Variants in IGF1R observed in about 807,000 individuals in gnomAD.
IGF1R encodes insulin-like growth factor 1 receptor.
In IGF1R, 44 loss-of-function variants were observed where a neutral mutation model predicts 144.6. The ratio of observed to expected loss-of-function variants is 0.30; its 90% CI spans 0.24 to 0.39. IGF1R has a LOEUF of 0.39. IGF1R is among the 10% of genes least tolerant of loss of function. IGF1R has a pLI of 1.00. For missense variants in IGF1R, 1,355 were observed against 1,833.7 expected, an observed-to-expected ratio of 0.74 and a Z score of 4.77; for synonymous variants, 795 against 722.8, an observed-to-expected ratio of 1.10 and a Z score of -1.60.
At chr15:98,909,642 G>A (rs1472659809) in intron 6 of IGF1R, among the ~76,000 whole-genome samples, 1 of 152,208 alleles carries the variant, frequency 6.6e-6, no homozygotes, top group Non-Finnish European at 1.5e-5. Context: ...GCACAGGCCT[G>A]TGGGGTGGAG....
At chr15:98,789,464 T>C (rs1596306454) in intron 2 of IGF1R, among the ~76,000 whole-genome samples, 1 of 152,236 alleles carries the variant, frequency 6.6e-6, no homozygotes, top group Admixed American at 6.5e-5. Context: ...AAGGTCTTGT[T>C]TTTGCCCTTT....
At chr15:98,727,640 C>G in intron 2 of IGF1R, among the ~76,000 whole-genome samples, 1 of 152,138 alleles carries the variant, frequency 6.6e-6, no homozygotes, top group East Asian at 1.9e-4. Context: ...GACAGCCTCC[C>G]CAGCTTCTCC....
chr15:98,855,848 T>C (rs549550251), intron 2 of IGF1R, among the ~76,000 whole-genome samples: 1 of 152,282 alleles, frequency 6.6e-6, no homozygotes, highest in South Asian at 2.1e-4. Flanking sequence ...AGTGGAGTTA[T>C]TAGGTTGAAA....
intron 2 of IGF1R, among the ~76,000 whole-genome samples, chr15:98,836,253 C>G (rs2057099022): frequency 6.6e-6 from 1 of 151,786 alleles, no homozygotes; most frequent in Non-Finnish European, 1.5e-5. Flanking sequence ...GAAAAAGCAT[C>G]CAGGCATGGT....
chr15:98,773,268 G>A (rs1484830147), intron 2 of IGF1R, among the ~76,000 whole-genome samples: 1 of 152,168 alleles, frequency 6.6e-6, no homozygotes, highest in African/African-American at 2.4e-5. Flanking sequence ...GAGGCTCAGA[G>A]TGGCTGCCAT....
At chr15:98,683,129 TC>T (rs2053233329) in intron 1 of IGF1R, among the ~76,000 whole-genome samples, 1 of 151,924 alleles carries the variant, frequency 6.6e-6, no homozygotes, top group Admixed American at 6.6e-5. Context: ...GTTCTTTGTT[TC>T]CATAGGATCT....
chr15:98,951,134 A>G (rs574763431), intron 20 of IGF1R, among the ~76,000 whole-genome samples: 1 of 152,352 alleles, frequency 6.6e-6, no homozygotes, highest in South Asian at 2.1e-4. Context: ...CAGGAAGGAT[A>G]CCAGGGAAAG....
intron 2 of IGF1R, among the ~76,000 whole-genome samples, chr15:98,837,824 G>A (rs1360781637): frequency 6.6e-6 from 1 of 152,242 alleles, no homozygotes; most frequent in East Asian, 1.9e-4. Context: ...TTTTCTCCAG[G>A]TAACTTTCTG....
Position 98,799,168 on chromosome 15 carries a change from A to C in IGF1R, c.640+91061A>C, listed in dbSNP as rs116056105. On this transcript the variant is annotated intron_variant, in intron 2 of 20. Transcript: ENST00000650285. Reference sequence around the variant, plus strand: ...ATATTGAGGTATTAAAATCTCACTAAATCTGTATTCATTATATCTGTATTC... The same window carrying C: ...ATATTGAGGTATTAAAATCTCACTACATCTGTATTCATTATATCTGTATTC... 2.7e-3 allele frequency among the ~76,000 whole-genome samples: 416 copies of C among 152,206 alleles called. 3 individuals carry two copies. Among genetic ancestry groups the C allele is most frequent in the African/African-American group, 9.6e-3 (399 of 41,516 alleles).
chr15:98,748,613 G>C (rs189267856), intron 2 of IGF1R, among the ~76,000 whole-genome samples: 15 of 152,194 alleles, frequency 9.9e-5, no homozygotes, highest in African/African-American at 3.6e-4. Flanking sequence ...GAAAACTGTA[G>C]GAAACTGGAA....
intron 2 of IGF1R, among the ~76,000 whole-genome samples, chr15:98,858,540 A>T (rs1215540827): frequency 6.6e-6 from 1 of 152,228 alleles, no homozygotes; most frequent in East Asian, 1.9e-4. Flanking sequence ...AATGAATTGC[A>T]TGCTTTGGAA....
rs1491101446 is a variant in IGF1R at position 98,963,180 on chromosome 15, TTC to T, written c.*5742_*5743del. 2.1e-4 allele frequency: 48 copies of T among 232,474 alleles called. No homozygotes were observed. Among genetic ancestry groups the T allele is most frequent in the African/African-American group, 7.4e-4 (33 of 44,556 alleles). 14.4% of individuals were successfully genotyped at this position (232,474 alleles called of 1,614,324 possible). On this transcript the variant is annotated 3_prime_UTR_variant, in exon 21 of 21. Coordinates refer to ENST00000650285, the MANE Select transcript of IGF1R (RefSeq NM_000875.5). The stretch of plus-strand genomic sequence containing the variant: ...AAAATAATTTAAAGACACTTTTTTT[TTC>T]TCTGTGTGTGCAAATGTGTGTTTGT...
rs1205931489 is a variant in IGF1R at position 98,707,958 on chromosome 15, T to A, written c.491T>A (p.Val164Glu). 6.2e-7 allele frequency: 1 copy of A among 1,614,194 alleles called. No individual in the cohort carries two copies. Among genetic ancestry groups the A allele is most frequent in the Admixed American group, 1.7e-5 (1 of 60,024 alleles). ...TVDWSLILDA[V>E]SNNYIVGNKP... ...GACTGGTCCCTGATCCTGGATGCGG[T>A]GTCCAATAACTACATTGTGGGGAAT... The change falls in exon 2 of 21, where the codon GTG becomes GAG. Residue 164 changes from valine (V) to glutamate (E), a missense_variant. By Grantham distance (121) the Val-to-Glu change is moderately radical. Transcript: ENST00000650285. The surrounding 1 kb of genome is among the most constrained non-coding windows in gnomAD (Gnocchi z 6.7).
intron 1 of IGF1R, among the ~76,000 whole-genome samples, chr15:98,680,502 G>A (rs976520651): frequency 4.6e-5 from 7 of 152,054 alleles, no homozygotes; most frequent in East Asian, 1.9e-4. Context: ...TCCTGACCTC[G>A]TGATCCACCC....
intron 1 of IGF1R, among the ~76,000 whole-genome samples, chr15:98,677,699 C>G (rs1276520461): frequency 6.6e-6 from 1 of 152,168 alleles, no homozygotes; most frequent in Non-Finnish European, 1.5e-5. Context: ...ATGTCTGTTT[C>G]AGGCAGGAAG....
intron 20 of IGF1R, among the ~76,000 whole-genome samples, chr15:98,952,506 G>T (rs944521624): frequency 1.7e-4 from 26 of 152,214 alleles, no homozygotes; most frequent in African/African-American, 5.8e-4. Context: ...GCTAATACTA[G>T]AACTGGTGGT....
chr15:98,920,201 C>T (rs769322066), intron 10 of IGF1R, among the ~76,000 whole-genome samples: 18 of 152,046 alleles, frequency 1.2e-4, no homozygotes, highest in Non-Finnish European at 2.2e-4. Flanking sequence ...TGCTTTTGGG[C>T]GTACGATTTG....
chr15:98,934,377 T>C (rs1330007927), intron 15 of IGF1R, among the ~76,000 whole-genome samples: 1 of 152,192 alleles, frequency 6.6e-6, no homozygotes, highest in Non-Finnish European at 1.5e-5. Flanking sequence ...TCCCTACTAC[T>C]CTCCTCCTTT....
intron 20 of IGF1R, among the ~76,000 whole-genome samples, chr15:98,956,147 G>A (rs541439395): frequency 6.6e-6 from 1 of 152,352 alleles, no homozygotes; most frequent in African/African-American, 2.4e-5. Flanking sequence ...TCCACGTGTG[G>A]CCGGCTGTTT....
Sources: allele counts gnomAD v4.1 joint callset (sites outside exome capture counted in the v4.1 genomes callset), GRCh38; gene constraint gnomAD v4.1.1; non-coding constraint Gnocchi (gnomAD v3.1); transcripts MANE v1.5; gene names NCBI Gene and HGNC (gene_info 2026-07-23, HGNC 2026-07-21).